SEMA5B: variants seen among roughly 807,000 people sequenced by gnomAD.
SEMA5B encodes semaphorin-5B.
In SEMA5B, 66 loss-of-function variants were observed where a neutral mutation model predicts 135.0. That is an observed-to-expected ratio of 0.49 (90% CI 0.40 to 0.60). SEMA5B has a LOEUF of 0.60. SEMA5B is among the 20% of genes least tolerant of loss of function. The pLI is 0.00. For missense variants in SEMA5B, 1,501 were observed against 1,566.3 expected, an observed-to-expected ratio of 0.96 and a Z score of 0.70; for synonymous variants, 690 against 639.5, an observed-to-expected ratio of 1.08 and a Z score of -1.19.
At chr3:122,976,016 C>G in intron 1 of SEMA5B, 1 of 1,535,158 alleles carries the variant, frequency 6.5e-7, no homozygotes. Context: ...CCCTTCGCTT[C>G]TGCTTGCCCG....
intron 5 of SEMA5B, among the ~76,000 whole-genome samples, chr3:122,929,272 C>T (rs1938825044): frequency 6.6e-6 from 1 of 152,218 alleles, no homozygotes; most frequent in South Asian, 2.1e-4. Flanking sequence ...TGGGCACCCT[C>T]AGCCCAACAC....
rs1020129555 is a variant in SEMA5B, at chr3:123,027,646, G to C, written c.-221C>G. ...ACCCGGGCCCGCGCCCGCTGCGCTC[G>C]GGCTCCCAGCAGCCGCTGGATGCGC... On this transcript the variant is annotated 5_prime_UTR_variant, in exon 1 of 23. Coordinates refer to ENST00000357599, the MANE Select transcript of SEMA5B (RefSeq NM_001031702.4). 2.6e-5 allele frequency: 4 copies of C among 152,166 alleles called. No homozygotes were observed. Among genetic ancestry groups the C allele is most frequent in the Admixed American group, 1.3e-4 (2 of 15,276 alleles). 9.4% of individuals were successfully genotyped at this position (152,166 alleles called of 1,614,324 possible).
At chr3:123,000,158 A>G (rs1477543310) in intron 1 of SEMA5B, among the ~76,000 whole-genome samples, 1 of 152,214 alleles carries the variant, frequency 6.6e-6, no homozygotes, top group Non-Finnish European at 1.5e-5. Context: ...CAGTGAGCCA[A>G]GATTGAGTCA....
At chr3:123,004,566 C>A (rs1942258335) in intron 1 of SEMA5B, among the ~76,000 whole-genome samples, 1 of 152,202 alleles carries the variant, frequency 6.6e-6, no homozygotes, top group African/African-American at 2.4e-5. Context: ...CAATGTAAAA[C>A]TGTTGTTGCT....
chr3:123,018,249 A>T lies in SEMA5B; in HGVS notation c.-39+9215T>A, dbSNP rs112415879. ...TTACTGTTTACCCATCTGTTTACCC[A>T]TCGGGTTGGGAAGATGCTCATTCTA... On this transcript the variant is annotated intron_variant, in intron 1 of 22. Coordinates refer to ENST00000357599, the MANE Select transcript of SEMA5B (RefSeq NM_001031702.4). 2.6e-3 allele frequency among the ~76,000 whole-genome samples: 401 copies of T among 152,366 alleles called. 4 individuals carry two copies. The highest frequency in any genetic ancestry group is 9.2e-3 in the African/African-American group (381 of 41,592).
chr3:122,937,235 A>G (rs928434656), intron 5 of SEMA5B, among the ~76,000 whole-genome samples: 29 of 152,326 alleles, frequency 1.9e-4, no homozygotes, highest in Middle Eastern at 3.4e-3. Flanking sequence ...GACACTGAGA[A>G]CTGAAAGCTT....
In SEMA5B at chr3:122,943,467, G is replaced by A. The variant is rs1939653679; in HGVS notation, c.397C>T (p.Pro133Ser). Residue 133 changes from proline to serine, a missense_variant, in exon 4 of 23, where the codon CCC (proline) becomes TCC (serine). By Grantham distance (74) the Pro-to-Ser change is moderately conservative (BLOSUM62 -1). Around this residue, in one of 2 missense-constraint regions of SEMA5B, gnomAD observed 574 missense variants for 684.7 expected, o/e 0.84. Coordinates refer to ENST00000357599, the MANE Select transcript of SEMA5B (RefSeq NM_001031702.4). ...CCCACGATGAGCTGGTTCCCGGAGG[G>A]GTCCAAAGCCAGCTGGGAGAAATCC... is the stretch of plus-strand genomic sequence containing the variant. The part of the protein sequence containing the change: ...ARDFSQLALD[P>S]SGNQLIVGAR... 1.2e-6 allele frequency: 2 copies of A among 1,609,382 alleles called. No homozygotes were observed. The highest frequency in any genetic ancestry group is 1.3e-5 in the African/African-American group (1 of 75,032).
chr3:122,921,559 A>T (rs11923426), intron 12 of SEMA5B, among the ~76,000 whole-genome samples: 2 of 151,988 alleles, frequency 1.3e-5, no homozygotes, highest in African/African-American at 2.4e-5. Context: ...AAGATAAAGA[A>T]CTCTCTGTAC....
chr3:122,965,333 C>T (rs1406484712), intron 1 of SEMA5B, among the ~76,000 whole-genome samples: 1 of 152,222 alleles, frequency 6.6e-6, no homozygotes, highest in Non-Finnish European at 1.5e-5. Context: ...ACACTTGCTT[C>T]TTCAGCCTCT....
At chr3:123,021,832 G>T (rs1576414222) in intron 1 of SEMA5B, among the ~76,000 whole-genome samples, 1 of 152,168 alleles carries the variant, frequency 6.6e-6, no homozygotes. Flanking sequence ...ATGTTTATAT[G>T]CACATGTATG....
intron 12 of SEMA5B, 97 bp from the exon 13 acceptor site, chr3:122,915,987 T>C (rs1938057698): frequency 5.9e-6 from 5 of 854,618 alleles, no homozygotes; most frequent in Non-Finnish European, 9.8e-6. Flanking sequence ...TGCACCACTT[T>C]CCATCCATTT....
At chr3:123,013,219 G>C (rs1257418031) in intron 1 of SEMA5B, among the ~76,000 whole-genome samples, 3 of 152,202 alleles carry the variant, frequency 2.0e-5, no homozygotes, top group Non-Finnish European at 4.4e-5. Flanking sequence ...CATGCCATCT[G>C]TAAAATGGGG....
intron 1 of SEMA5B, among the ~76,000 whole-genome samples, chr3:122,984,737 T>A (rs998827502): frequency 1.3e-5 from 2 of 151,838 alleles, no homozygotes; most frequent in African/African-American, 2.4e-5. Flanking sequence ...AAAATTTAAA[T>A]TGAAAAAAAG....
intron 1 of SEMA5B, among the ~76,000 whole-genome samples, chr3:122,987,869 A>T (rs1405072590): frequency 6.6e-6 from 1 of 151,756 alleles, no homozygotes; most frequent in Non-Finnish European, 1.5e-5. Context: ...CAATTTGGAG[A>T]ATTTTATGAT....
In SEMA5B at chr3:122,910,893, A is replaced by C. The variant is rs143659570; in HGVS notation, c.3244T>G (p.Tyr1082Asp). 1.5e-4 allele frequency: 247 copies of C among 1,612,588 alleles called. 2 individuals carry two copies. The East Asian group carries it at 5.5e-3, about 36-fold the overall frequency. The change falls in exon 22 of 23, where the codon TAC becomes GAC. Residue 1082 changes from tyrosine to aspartate, a missense_variant. This residue lies in a region of SEMA5B where 927 missense variants were observed against 881.6 expected (regional missense o/e 1.05). Transcript: ENST00000357599. Reference sequence around the variant, plus strand: ...TTCTTCGGGGTGCCTCCGCCCTTGTAGTGCAAATGGTTGGGGGTGGCAGGA... The same window carrying C: ...TTCTTCGGGGTGCCTCCGCCCTTGTCGTGCAAATGGTTGGGGGTGGCAGGA... ...VHPATPNHLH[Y>D]KGGGTPKNEK...
intron 12 of SEMA5B, among the ~76,000 whole-genome samples, chr3:122,920,250 G>A (rs1938282933): frequency 6.6e-6 from 1 of 152,150 alleles, no homozygotes; most frequent in Non-Finnish European, 1.5e-5. Flanking sequence ...TTTCTCCTGC[G>A]CCAAACTCCT....
Position 122,961,156 on chromosome 3 carries a change from A to T in SEMA5B, c.108T>A (p.Leu36=). ...CACACTTACCCCTGACCAGTGAGAG[A>T]AGCCAGCCCCCTACTGTCCATCCAC... ...LRCGWTVGGW[L]LSLVRGLLPC... The change falls in exon 2 of 23, where the codon CTT becomes CTA. Residue 36 remains leucine, a synonymous_variant. Transcript: ENST00000357599. The T allele has an allele frequency of 6.2e-7, 1 of 1,612,572 alleles. No individual in the cohort carries two copies. Among genetic ancestry groups the T allele is most frequent in the Non-Finnish European group, 8.5e-7 (1 of 1,179,076 alleles).
rs531632551 is a variant in SEMA5B, at chr3:122,926,729, A to G, written c.851-52T>C. On this transcript the variant is annotated intron_variant, in intron 8 of 22. Coordinates refer to ENST00000357599, the MANE Select transcript of SEMA5B (RefSeq NM_001031702.4). ...GCAGGGCAGGCCAGCGGGGAAGAAG[A>G]TGGCAGAGTCGGGAGGACTCAACTA... The G allele has an allele frequency of 5.8e-5, 92 of 1,587,218 alleles. No homozygotes were observed. In the East Asian group the frequency reaches 1.8e-3, roughly 30 times the overall value.
chr3:122,912,488 G>C, intron 18 of SEMA5B, 146 bp from the exon 19 acceptor site: 2 of 754,376 alleles, frequency 2.7e-6, no homozygotes, highest in Non-Finnish European at 4.1e-6. Context: ...ACAGTCCACT[G>C]TTAGGGAGTG....
Sources: allele counts gnomAD v4.1 joint callset (sites outside exome capture counted in the v4.1 genomes callset), GRCh38; gene constraint gnomAD v4.1.1; regional missense constraint gnomAD v4.1.1; transcripts MANE v1.5; gene names NCBI Gene and HGNC (gene_info 2026-07-23, HGNC 2026-07-21).